Variants in RIMS1 observed in about 807,000 individuals in gnomAD.
RIMS1 encodes regulating synaptic membrane exocytosis protein 1.
In RIMS1, 83 loss-of-function variants were observed where a neutral mutation model predicts 214.1. The ratio of observed to expected loss-of-function variants is 0.39; its 90% confidence interval spans 0.32 to 0.47. The LOEUF (loss-of-function observed/expected upper bound fraction) is 0.47. Among genes scored for constraint, RIMS1 ranks in the 20% least tolerant of loss-of-function variants. The probability of loss-of-function intolerance (pLI) is 0.99; values close to 1 mark genes in which losing one functional copy is unlikely to be tolerated. For missense variants in RIMS1, 2,050 were observed against 2,161.8 expected (o/e 0.95, Z 1.03); for synonymous variants, 793 against 786.8 (o/e 1.01, Z -0.13).
At chr6:72,376,884 G>T (rs2098398741) in intron 29 of RIMS1, among the ~76,000 whole-genome samples, 1 of 152,124 alleles carries the variant, frequency 6.6e-6, no homozygotes, top group African/African-American at 2.4e-5. Flanking sequence ...TTGTTCTAAT[G>T]ATAGTTCCTT....
At chr6:72,264,686 C>T (rs1454967610) in intron 19 of RIMS1, among the ~76,000 whole-genome samples, 1 of 152,106 alleles carries the variant, frequency 6.6e-6, no homozygotes, top group African/African-American at 2.4e-5. Context: ...TTAAGTAGCA[C>T]ATTTACATAT....
chr6:72,012,825 T>C (rs1811288663), intron 2 of RIMS1, among the ~76,000 whole-genome samples: 1 of 152,206 alleles, frequency 6.6e-6, no homozygotes, highest in South Asian at 2.1e-4. Flanking sequence ...GACCACTCTG[T>C]TATATTTCTG....
intron 5 of RIMS1, among the ~76,000 whole-genome samples, chr6:72,181,360 C>T (rs2496505): frequency 1.3e-5 from 2 of 152,098 alleles, no homozygotes; most frequent in East Asian, 3.9e-4. Flanking sequence ...TCTCAGGGAA[C>T]GTAGAATTAA....
chr6:72,353,707 T>C (rs1291389486), intron 29 of RIMS1, among the ~76,000 whole-genome samples: 3 of 152,224 alleles, frequency 2.0e-5, no homozygotes, highest in Non-Finnish European at 4.4e-5. Flanking sequence ...CTCTTCTCTC[T>C]CACCTCTGAT....
intron 4 of RIMS1, among the ~76,000 whole-genome samples, chr6:72,124,277 C>T (rs1215403150): frequency 6.6e-6 from 1 of 151,798 alleles, no homozygotes; most frequent in African/African-American, 2.4e-5. Context: ...AAATTCTTTT[C>T]TTTAAGAATG....
chr6:72,013,851 A>G (rs975492327), intron 2 of RIMS1, among the ~76,000 whole-genome samples: 10 of 152,152 alleles, frequency 6.6e-5, no homozygotes, highest in Non-Finnish European at 1.3e-4. Context: ...ATCACCTCAA[A>G]AAGAAAACCC....
chr6:72,273,690 T>C (rs1281823764), intron 22 of RIMS1, among the ~76,000 whole-genome samples: 1 of 152,250 alleles, frequency 6.6e-6, no homozygotes, highest in Non-Finnish European at 1.5e-5. Context: ...TTCATGTATC[T>C]ATGTTCTTTG....
chr6:72,195,723 G>A (rs1333085599), intron 6 of RIMS1, among the ~76,000 whole-genome samples: 1 of 152,078 alleles, frequency 6.6e-6, no homozygotes, highest in African/African-American at 2.4e-5. Context: ...TGCTCACATA[G>A]TGCTTATAAT....
intron 5 of RIMS1, among the ~76,000 whole-genome samples, chr6:72,181,681 G>T (rs981659625): frequency 2.6e-5 from 4 of 152,348 alleles, no homozygotes; most frequent in African/African-American, 9.6e-5. Flanking sequence ...ACAGAAGCAG[G>T]AAGAGAGGTG....
At chr6:71,947,926 C>T (rs983475030) in intron 1 of RIMS1, among the ~76,000 whole-genome samples, 2 of 152,040 alleles carry the variant, frequency 1.3e-5, no homozygotes, top group Admixed American at 1.3e-4. Context: ...AATTTCTTAG[C>T]AGACAGGCAT....
intron 2 of RIMS1, among the ~76,000 whole-genome samples, chr6:72,082,479 A>G (rs1043570333): frequency 1.3e-5 from 2 of 152,166 alleles, no homozygotes; most frequent in Non-Finnish European, 2.9e-5. Flanking sequence ...ATGTTAAATA[A>G]CTTGCCAGAT....
intron 6 of RIMS1, among the ~76,000 whole-genome samples, chr6:72,193,217 T>C (rs928857380): frequency 6.6e-6 from 1 of 152,206 alleles, no homozygotes; most frequent in Non-Finnish European, 1.5e-5. Context: ...CACCATGCTG[T>C]TTCCCCTCCT....
chr6:72,162,860 T>G (rs1169832759), intron 4 of RIMS1, among the ~76,000 whole-genome samples: 1 of 139,614 alleles, frequency 7.2e-6, no homozygotes. Flanking sequence ...CTGACAATTA[T>G]GTGTCTTGGA....
chr6:72,257,396 A>G (rs2076337484), intron 16 of RIMS1, among the ~76,000 whole-genome samples: 1 of 152,082 alleles, frequency 6.6e-6, no homozygotes, highest in Admixed American at 6.6e-5. Context: ...TTAAATTGCA[A>G]TATGTTAACT....
Position 72,012,290 on chromosome 6 carries a change from T to C in RIMS1, c.245+43227T>C, listed in dbSNP as rs1171601741. 2.6e-5 allele frequency among the ~76,000 whole-genome samples: 4 copies of C among 151,184 alleles called. No homozygotes were observed. In the East Asian group the frequency reaches 7.8e-4, roughly 29 times the overall value. On this transcript the variant is annotated intron_variant, in intron 2 of 33. Coordinates refer to ENST00000521978, the MANE Select transcript of RIMS1 (RefSeq NM_014989.7). ...GTGGGAATTGAACAATGAGAACACGTGGACACAGGAAGGGGAACATGACAC... is the reference window on the plus strand; with the variant it reads ...GTGGGAATTGAACAATGAGAACACGCGGACACAGGAAGGGGAACATGACAC...
At chr6:72,198,149 G>A (rs564261821) in intron 6 of RIMS1, among the ~76,000 whole-genome samples, 3 of 152,000 alleles carry the variant, frequency 2.0e-5, no homozygotes, top group Admixed American at 6.6e-5. Context: ...GGATACCTGC[G>A]CTCACATGTT....
chr6:72,050,934 C>T (rs1489694986), intron 2 of RIMS1, among the ~76,000 whole-genome samples: 1 of 152,110 alleles, frequency 6.6e-6, no homozygotes. Context: ...TCTCCAGTTC[C>T]AATGACATCA....
In RIMS1 at chr6:72,253,071, C is replaced by T. The variant is rs1261922846; in HGVS notation, c.2770+239C>T. On this transcript the variant is annotated intron_variant, in intron 16 of 33. Transcript: ENST00000521978. ...GTAGAAACATGTCTAACTAGTGAAA[C>T]AAATCATTATTTCACAATGCTCTGA... 4.6e-5 allele frequency among the ~76,000 whole-genome samples: 7 copies of T among 152,216 alleles called. No individual in the cohort carries two copies. In the East Asian group the frequency reaches 1.3e-3, roughly 29 times the overall value.
At chr6:72,019,407 A>G (rs1813840751) in intron 2 of RIMS1, among the ~76,000 whole-genome samples, 2 of 152,250 alleles carry the variant, frequency 1.3e-5, no homozygotes, top group South Asian at 4.1e-4. Context: ...TAAGAAAATT[A>G]AAAGGAGAAA....
Sources: allele counts gnomAD v4.1 joint callset (sites outside exome capture counted in the v4.1 genomes callset), GRCh38; gene constraint gnomAD v4.1.1; transcripts MANE v1.5; gene names NCBI Gene and HGNC (gene_info 2026-07-23, HGNC 2026-07-21).